The following KATNIP variants were observed in gnomAD, a reference collection of about 807,000 sequenced individuals.
The protein encoded by KATNIP is katanin interacting protein.
A neutral mutation model predicts 174.0 loss-of-function variants in KATNIP; 126 were observed. The ratio of observed to expected loss-of-function variants is 0.72; its 90% CI spans 0.63 to 0.84. The LOEUF (loss-of-function observed/expected upper bound fraction) is 0.84, where lower values mean the gene tolerates loss of function less well. Ranked by LOEUF, KATNIP falls within the 40% of genes least tolerant of loss-of-function variation. The pLI, the probability that KATNIP is intolerant of heterozygous loss-of-function variation, is 0.00. For missense variants in KATNIP, 1,958 were observed against 2,109.7 expected (o/e 0.93, Z 1.41); for synonymous variants, 810 against 835.7 (o/e 0.97, Z 0.53).
intron 13 of KATNIP, among the ~76,000 whole-genome samples, chr16:27,713,836 A>G (rs1162684586): frequency 3.9e-5 from 3 of 76,784 alleles, no homozygotes; most frequent in African/African-American, 5.8e-5. Flanking sequence ...ATATATATAT[A>G]TATATATATA....
chr16:27,632,243 A>T (rs2076510227), intron 5 of KATNIP, among the ~76,000 whole-genome samples: 1 of 152,234 alleles, frequency 6.6e-6, no homozygotes, highest in African/African-American at 2.4e-5. Context: ...TTTATTTCTC[A>T]GAAAGGGTGG....
intron 2 of KATNIP, among the ~76,000 whole-genome samples, chr16:27,592,610 C>A (rs776709471): frequency 1.3e-5 from 2 of 151,854 alleles, no homozygotes; most frequent in Non-Finnish European, 2.9e-5. Flanking sequence ...AGAGTGAGAC[C>A]CTGTCTCAAA....
At chr16:27,553,062 T>C (rs1311582513) in intron 1 of KATNIP, among the ~76,000 whole-genome samples, 1 of 152,222 alleles carries the variant, frequency 6.6e-6, no homozygotes. Context: ...ACTTTTATAC[T>C]GTGTTACATT....
At chr16:27,659,450 C>A (rs2077397676) in intron 6 of KATNIP, among the ~76,000 whole-genome samples, 1 of 151,750 alleles carries the variant, frequency 6.6e-6, no homozygotes, top group Non-Finnish European at 1.5e-5. Context: ...TTTGAGGCTC[C>A]CCTAAGCCAT....
intron 14 of KATNIP, among the ~76,000 whole-genome samples, chr16:27,734,316 C>T (rs1389165227): frequency 1.3e-5 from 2 of 150,688 alleles, no homozygotes; most frequent in Non-Finnish European, 2.9e-5. Context: ...TTCCTGACCT[C>T]GTGATCCACC....
chr16:27,751,021 C>G (rs2081497862), intron 16 of KATNIP, among the ~76,000 whole-genome samples: 1 of 152,104 alleles, frequency 6.6e-6, no homozygotes, highest in Non-Finnish European at 1.5e-5. Context: ...AGCCCCTGCA[C>G]CCAGCCACAG....
intron 2 of KATNIP, among the ~76,000 whole-genome samples, chr16:27,614,753 G>C (rs1043995348): frequency 3.9e-5 from 6 of 152,224 alleles, no homozygotes; most frequent in African/African-American, 1.4e-4. Context: ...GAGAACATGA[G>C]GGTACATCAT....
chr16:27,627,977 T>C (rs2076382372), intron 3 of KATNIP, among the ~76,000 whole-genome samples: 1 of 152,204 alleles, frequency 6.6e-6, no homozygotes, highest in Non-Finnish European at 1.5e-5. Flanking sequence ...CAGTGAAAGC[T>C]AAATTAGGGA....
At chr16:27,774,056 A>C (rs999910463) in intron 23 of KATNIP, among the ~76,000 whole-genome samples, 10 of 152,158 alleles carry the variant, frequency 6.6e-5, no homozygotes, top group Admixed American at 6.5e-4. Flanking sequence ...GCAGTAGGCT[A>C]TCCTGCCTCT....
At position 27,772,119 on chromosome 16, in the gene KATNIP, A is replaced by T. The variant is rs1297701726; in HGVS notation, c.4198+467A>T. 3.3e-5 allele frequency among the ~76,000 whole-genome samples: 5 copies of T among 152,298 alleles called. No homozygotes were observed. The East Asian group carries it at 9.6e-4, about 29-fold the overall frequency. On this transcript the variant is annotated intron_variant, in intron 22 of 27. Transcript: ENST00000261588. ...TAATGAGACTCCATATCTTAAAAAAAAATAAATAAATTAGCTGGTGGTACA... is the reference window on the plus strand; with the variant it reads ...TAATGAGACTCCATATCTTAAAAAATAATAAATAAATTAGCTGGTGGTACA...
chr16:27,603,040 C>G (rs947812053), intron 2 of KATNIP, among the ~76,000 whole-genome samples: 1 of 152,222 alleles, frequency 6.6e-6, no homozygotes, highest in Admixed American at 6.5e-5. Flanking sequence ...GAGCAAGGAG[C>G]TAGGGTCTGG....
chr16:27,657,707 C>G (rs1030259772), intron 6 of KATNIP, among the ~76,000 whole-genome samples: 1 of 152,052 alleles, frequency 6.6e-6, no homozygotes, highest in African/African-American at 2.4e-5. Context: ...GTCAAGAGTT[C>G]AAGACCAGTC....
At position 27,766,359 on chromosome 16, in the gene KATNIP, T is replaced by C; in HGVS notation, c.3860T>C (p.Ile1287Thr). 1 of 1,614,142 alleles carries C rather than the reference T, an allele frequency of 6.2e-7. No individual in the cohort carries two copies. Among genetic ancestry groups the C allele is most frequent in the Non-Finnish European group, 8.5e-7 (1 of 1,180,028 alleles). The change falls in exon 20 of 28, where the codon ATC (isoleucine) becomes ACC (threonine). Residue 1287 changes from isoleucine (I) to threonine (T), a missense_variant. Physicochemically the swap from Ile to Thr is moderately conservative, Grantham distance 89 (BLOSUM62 -1). Around this residue, in one of 3 missense-constraint regions of KATNIP, gnomAD observed 383 missense variants for 456.0 expected, o/e 0.84. Coordinates refer to ENST00000261588, the MANE Select transcript of KATNIP (RefSeq NM_015202.5). ...ATGGAGGATGAGCATATGTGGCTGA[T>C]CCCCTTCTCGCCGGGGCTGGACCAT... ...ITMEDEHMWL[I>T]PFSPGLDHVV...
intron 12 of KATNIP, among the ~76,000 whole-genome samples, chr16:27,705,653 GTTTC>G (rs369282063): frequency 1.6e-3 from 237 of 152,048 alleles, no homozygotes; most frequent in African/African-American, 4.9e-3. Context: ...GCATGGAATA[GTTTC>G]TTTATTTTTA....
intron 2 of KATNIP, among the ~76,000 whole-genome samples, chr16:27,602,887 C>G (rs1279596397): frequency 1.3e-5 from 2 of 152,122 alleles, no homozygotes; most frequent in African/African-American, 4.8e-5. Flanking sequence ...TCAGTAGAAA[C>G]AGGGTTTCGC....
intron 2 of KATNIP, among the ~76,000 whole-genome samples, chr16:27,604,494 C>A (rs905329478): frequency 2.0e-5 from 3 of 152,074 alleles, no homozygotes; most frequent in African/African-American, 7.2e-5. Flanking sequence ...CTCAGCCTCC[C>A]AAAGTGCTGG....
Position 27,557,959 on chromosome 16 carries a change from T to C in KATNIP, c.7+7782T>C, listed in dbSNP as rs367960052. On this transcript the variant is annotated intron_variant, in intron 1 of 27. Coordinates refer to ENST00000261588, the MANE Select transcript of KATNIP (RefSeq NM_015202.5). ...GGCAACAATTGTCCCACCACCCGAG[T>C]TAAGTGGAGACTTTGCCCTTTAAGA... 3.9e-5 allele frequency among the ~76,000 whole-genome samples: 6 copies of C among 152,280 alleles called. No individual in the cohort carries two copies. In the South Asian group the frequency reaches 1.2e-3, roughly 32 times the overall value.
Position 27,775,060 on chromosome 16 carries a change from G to T in KATNIP, c.4425G>T (p.Trp1475Cys). Residue 1475 changes from tryptophan (W) to cysteine (C), a missense_variant, in exon 24 of 28, where the codon TGG becomes TGT. Transcript: ENST00000261588. ...VNDTSDGRHM[W>C]LAPILPGLVN... Reference sequence around the variant, plus strand: ...ACACCAGTGATGGCCGGCACATGTGGCTGGCTCCCATCCTGCCGGGCCTGG... The same window carrying T: ...ACACCAGTGATGGCCGGCACATGTGTCTGGCTCCCATCCTGCCGGGCCTGG... 6 of 1,612,522 alleles carry T rather than the reference G, an allele frequency of 3.7e-6. No homozygotes were observed. Among genetic ancestry groups the T allele is most frequent in the Non-Finnish European group, 5.1e-6 (6 of 1,179,586 alleles).
In KATNIP at chr16:27,625,939, T is replaced by A. The variant is rs1330864912; in HGVS notation, c.141-2722T>A. ...ATCATGTCTCACTACAGCCTCAACCTCCCCAGTTCAAGCCATCCTCCTGCC... is the reference window on the plus strand; with the variant it reads ...ATCATGTCTCACTACAGCCTCAACCACCCCAGTTCAAGCCATCCTCCTGCC... On this transcript the variant is annotated intron_variant, in intron 3 of 27. Transcript: ENST00000261588. Among the ~76,000 whole-genome samples, 5 of 151,616 alleles carry A rather than the reference T, an allele frequency of 3.3e-5. No individual in the cohort carries two copies. The East Asian group carries it at 9.7e-4, about 29-fold the overall frequency.
Sources: allele counts gnomAD v4.1 joint callset (sites outside exome capture counted in the v4.1 genomes callset), GRCh38; gene constraint gnomAD v4.1.1; regional missense constraint gnomAD v4.1.1; transcripts MANE v1.5; gene names NCBI Gene and HGNC (gene_info 2026-07-23, HGNC 2026-07-21).